Variants in FCHSD2 observed in about 807,000 individuals in gnomAD.
FCHSD2 encodes the protein FCH and double SH3 domains 2.
Under a neutral mutation model 108.1 loss-of-function variants are expected in FCHSD2, and 38 were observed. The observed-to-expected ratio is 0.35, with a 90% CI of 0.27 to 0.46. FCHSD2 has a LOEUF of 0.46. Ranked by LOEUF, FCHSD2 falls within the 20% of genes least tolerant of loss-of-function variation. FCHSD2 has a pLI of 1.00. For synonymous variants in FCHSD2, 279 were observed against 314.7 expected (o/e 0.89, Z 1.20); for missense variants, 751 against 897.8 (o/e 0.84, Z 2.09).
intron 13 of FCHSD2, among the ~76,000 whole-genome samples, chr11:72,850,401 G>A (rs1355341805): frequency 2.0e-5 from 3 of 150,300 alleles, no homozygotes; most frequent in South Asian, 2.1e-4. Context: ...TTTTTGAGAC[G>A]GAGTCTCGCT....
chr11:72,980,253 T>A (rs1257587291), intron 8 of FCHSD2, among the ~76,000 whole-genome samples: 1 of 152,186 alleles, frequency 6.6e-6, no homozygotes, highest in Non-Finnish European at 1.5e-5. Context: ...TAGGAAAAGT[T>A]AACTAGGGAA....
intron 3 of FCHSD2, among the ~76,000 whole-genome samples, chr11:73,068,607 C>T (rs1462120574): frequency 6.6e-6 from 1 of 151,812 alleles, no homozygotes; most frequent in Non-Finnish European, 1.5e-5. Flanking sequence ...AGTTTTTATA[C>T]AGTTAACAAA....
chr11:72,918,736 T>C (rs534669883), intron 9 of FCHSD2, among the ~76,000 whole-genome samples: 1 of 152,356 alleles, frequency 6.6e-6, no homozygotes, highest in South Asian at 2.1e-4. Flanking sequence ...TGTTATTTTC[T>C]GAATTCTTTT....
intron 3 of FCHSD2, among the ~76,000 whole-genome samples, chr11:73,035,173 T>C (rs1237139418): frequency 7.8e-6 from 1 of 128,434 alleles, no homozygotes; most frequent in African/African-American, 2.9e-5. Flanking sequence ...TATGTATGTA[T>C]GTATGTATGT....
At chr11:72,908,656 TATG>T (rs1228046956) in intron 9 of FCHSD2, among the ~76,000 whole-genome samples, 1 of 152,204 alleles carries the variant, frequency 6.6e-6, no homozygotes, top group East Asian at 1.9e-4. Flanking sequence ...TACCTTTCCA[TATG>T]CCTGTCTGCC....
intron 8 of FCHSD2, among the ~76,000 whole-genome samples, chr11:72,936,982 C>T (rs1281361737): frequency 6.6e-6 from 1 of 152,132 alleles, no homozygotes; most frequent in African/African-American, 2.4e-5. Context: ...GCTATATATT[C>T]CTGTTTCTTT....
At chr11:72,950,652 C>T (rs972056141) in intron 8 of FCHSD2, among the ~76,000 whole-genome samples, 2 of 151,818 alleles carry the variant, frequency 1.3e-5, no homozygotes, top group Admixed American at 1.3e-4. Flanking sequence ...GATTAGTAGT[C>T]TTTTGTATTT....
At chr11:73,098,876 C>A (rs1379477148) in intron 2 of FCHSD2, among the ~76,000 whole-genome samples, 1 of 152,060 alleles carries the variant, frequency 6.6e-6, no homozygotes, top group Non-Finnish European at 1.5e-5. Flanking sequence ...GATGGGAAAC[C>A]AAAAGCACAA....
chr11:72,879,456 T>C (rs945681580), intron 12 of FCHSD2, among the ~76,000 whole-genome samples: 1 of 151,956 alleles, frequency 6.6e-6, no homozygotes, highest in Non-Finnish European at 1.5e-5. Context: ...ATAAAAAGAA[T>C]GAAATGACAG....
chr11:72,893,702 C>A (rs184930770), intron 10 of FCHSD2, among the ~76,000 whole-genome samples: 1 of 150,722 alleles, frequency 6.6e-6, no homozygotes, highest in African/African-American at 2.4e-5. Flanking sequence ...GAGCCAAGAT[C>A]GTGGCACTGC....
At chr11:73,129,341 A>G (rs903343985) in intron 2 of FCHSD2, among the ~76,000 whole-genome samples, 3 of 152,222 alleles carry the variant, frequency 2.0e-5, no homozygotes, top group African/African-American at 7.2e-5. Flanking sequence ...ACTGGGACAC[A>G]CAACAGGAGG....
chr11:73,127,358 T>G (rs546207620), intron 2 of FCHSD2, among the ~76,000 whole-genome samples: 2 of 152,066 alleles, frequency 1.3e-5, no homozygotes, highest in African/African-American at 4.8e-5. Flanking sequence ...AAAATGAAAT[T>G]AACAAAAATA....
At chr11:72,892,800 T>G (rs1855343646) in intron 10 of FCHSD2, among the ~76,000 whole-genome samples, 1 of 151,982 alleles carries the variant, frequency 6.6e-6, no homozygotes, top group South Asian at 2.1e-4. Flanking sequence ...GAGACGGGGT[T>G]TCACCATGTT....
chr11:72,890,436 C>T lies in FCHSD2; in HGVS notation c.925-491G>A, dbSNP rs568805338. Among the ~76,000 whole-genome samples the T allele has an allele frequency of 1.3e-3, 197 of 152,286 alleles. 1 individual carries two copies. Among genetic ancestry groups the T allele is most frequent in the African/African-American group, 4.2e-3 (173 of 41,560 alleles). On this transcript the variant is annotated intron_variant, in intron 10 of 19. Transcript: ENST00000409418. ...ACCCCTCCCCCTGCCCCAAGGCAGACGGAACTCTTTAGAGGTCCACCATCA... is the reference window on the plus strand; with the variant it reads ...ACCCCTCCCCCTGCCCCAAGGCAGATGGAACTCTTTAGAGGTCCACCATCA...
chr11:72,879,023 C>A lies in FCHSD2; in HGVS notation c.1146+8447G>T, dbSNP rs552740804. Among the ~76,000 whole-genome samples the A allele has an allele frequency of 1.2e-3, 179 of 152,028 alleles. 1 individual carries two copies. Among genetic ancestry groups the A allele is most frequent in the African/African-American group, 4.1e-3 (172 of 41,494 alleles). On this transcript the variant is annotated intron_variant, in intron 12 of 19. Transcript: ENST00000409418. ...TACTTGGGAAGCTGAGGCAGGGGAA[C>A]TGCTTGAACCCAGGAGGCAGAGGTT... is the stretch of plus-strand genomic sequence containing the variant.
At chr11:73,082,624 T>C (rs1182222125) in intron 3 of FCHSD2, among the ~76,000 whole-genome samples, 1 of 152,108 alleles carries the variant, frequency 6.6e-6, no homozygotes, top group East Asian at 1.9e-4. Flanking sequence ...CAATCTCTCA[T>C]TATTTATAAT....
rs1201731306 is a variant in FCHSD2, at chr11:72,837,115, G to A, written c.*1676C>T. On this transcript the variant is annotated 3_prime_UTR_variant, in exon 20 of 20. Transcript: ENST00000409418. ...ATAAGCATTTGAAGATTTTTAATATGTTAGCAAACTTTAAAATCTTAAAAA... is the reference window on the plus strand; with the variant it reads ...ATAAGCATTTGAAGATTTTTAATATATTAGCAAACTTTAAAATCTTAAAAA... The A allele has an allele frequency of 3.9e-5, 6 of 152,080 alleles. No individual in the cohort carries two copies. Among genetic ancestry groups the A allele is most frequent in the Non-Finnish European group, 7.4e-5 (5 of 68,018 alleles). 9.4% of individuals were successfully genotyped at this position (152,080 alleles called of 1,614,324 possible).
At chr11:72,965,390 C>A (rs1316513715) in intron 8 of FCHSD2, among the ~76,000 whole-genome samples, 1 of 152,176 alleles carries the variant, frequency 6.6e-6, no homozygotes, top group Non-Finnish European at 1.5e-5. Flanking sequence ...CAGTAGGAAA[C>A]AATACACAGT....
chr11:73,109,075 T>C (rs949493144), intron 2 of FCHSD2, among the ~76,000 whole-genome samples: 4 of 152,220 alleles, frequency 2.6e-5, no homozygotes, highest in Non-Finnish European at 5.9e-5. Context: ...GGTTCTCTAT[T>C]CTGTTCCATT....
Sources: allele counts gnomAD v4.1 joint callset (sites outside exome capture counted in the v4.1 genomes callset), GRCh38; gene constraint gnomAD v4.1.1; transcripts MANE v1.5; gene names NCBI Gene and HGNC (gene_info 2026-07-23, HGNC 2026-07-21).